VDAC1: variants seen among roughly 807,000 people sequenced by gnomAD.
The protein encoded by VDAC1 is non-selective voltage-gated ion channel VDAC1.
A neutral mutation model predicts 34.7 loss-of-function variants in VDAC1; 10 were observed. That is an observed-to-expected ratio of 0.29 (90% CI 0.18 to 0.49). The LOEUF (loss-of-function observed/expected upper bound fraction) is 0.49. VDAC1 is among the 20% of genes least tolerant of loss of function. VDAC1 has a pLI of 0.99. For missense variants in VDAC1, 230 were observed against 347.9 expected (o/e 0.66, Z 2.69); for synonymous variants, 130 against 136.0 (o/e 0.96, Z 0.30).
At chr5:134,000,041 C>G (rs1312606337) in intron 1 of VDAC1, among the ~76,000 whole-genome samples, 1 of 152,132 alleles carries the variant, frequency 6.6e-6, no homozygotes, top group Non-Finnish European at 1.5e-5. Flanking sequence ...ACTTCCCCAG[C>G]AGAAGGCAAC....
chr5:134,042,213 G>T, the VDAC1 span, among the ~76,000 whole-genome samples: 1 of 152,144 alleles, frequency 6.6e-6, no homozygotes, highest in Admixed American at 6.5e-5. Flanking sequence ...TGGGCTCAGG[G>T]TCATGGCCAC....
chr5:133,995,239 C>T (rs1753253350), intron 1 of VDAC1, among the ~76,000 whole-genome samples: 1 of 152,204 alleles, frequency 6.6e-6, no homozygotes, highest in Non-Finnish European at 1.5e-5. Context: ...AGCTCCGACA[C>T]GGCCAAGCTC....
chr5:134,069,876 G>A, the VDAC1 span, among the ~76,000 whole-genome samples: 1 of 152,114 alleles, frequency 6.6e-6, no homozygotes, highest in Non-Finnish European at 1.5e-5. Flanking sequence ...AAAACAGATT[G>A]CAGCAAAGAA....
chr5:133,995,434 T>G (rs1753261836), intron 1 of VDAC1, among the ~76,000 whole-genome samples: 1 of 151,968 alleles, frequency 6.6e-6, no homozygotes, highest in South Asian at 2.1e-4. Flanking sequence ...TGAAGCATAA[T>G]CTCCCCCGTT....
the VDAC1 span, among the ~76,000 whole-genome samples, chr5:134,052,248 T>G: frequency 1.2e-4 from 18 of 152,156 alleles, no homozygotes; most frequent in Admixed American, 1.0e-3. Flanking sequence ...CCCACAACTC[T>G]CCACTCTTCA....
chr5:134,110,331 G>A, the VDAC1 span, among the ~76,000 whole-genome samples: 1 of 152,200 alleles, frequency 6.6e-6, no homozygotes, highest in African/African-American at 2.4e-5. Flanking sequence ...CCACAGAAGA[G>A]TCCTTCCTTC....
the VDAC1 span, among the ~76,000 whole-genome samples, chr5:134,035,616 G>C: frequency 2.6e-5 from 4 of 152,172 alleles, no homozygotes; most frequent in Admixed American, 1.3e-4. Context: ...AGTCCATACT[G>C]ATGGAAATAA....
At chr5:134,029,022 T>C in the VDAC1 span, among the ~76,000 whole-genome samples, 2 of 152,120 alleles carry the variant, frequency 1.3e-5, no homozygotes, top group Non-Finnish European at 2.9e-5. Flanking sequence ...TGAGCCCTCC[T>C]AGCAGCAGTA....
At chr5:134,058,716 G>A in the VDAC1 span, among the ~76,000 whole-genome samples, 3 of 152,140 alleles carry the variant, frequency 2.0e-5, no homozygotes, top group African/African-American at 7.2e-5. Context: ...GCCAGATAGG[G>A]AACAGAGCAA....
rs760777452 is a variant in VDAC1, at chr5:133,992,316, T to C, written c.107A>G (p.Glu36Gly). ...GGTTGGACAACTTACCAATCCATTC[T>C]CAGATTTTGTTTTCAAATCAAGCTT... The part of the protein sequence containing the change: ...LIKLDLKTKS[E>G]NGLEFTSSGS... Residue 36 changes from glutamate (E) to glycine (G), a missense_variant, in exon 3 of 9, where the codon GAG (glutamate) becomes GGG (glycine). Coordinates refer to ENST00000265333, the MANE Select transcript of VDAC1 (RefSeq NM_003374.3). 9 of 1,582,408 alleles carry C rather than the reference T, an allele frequency of 5.7e-6. No individual in the cohort carries two copies. The highest frequency in any genetic ancestry group is 6.9e-6 in the Non-Finnish European group (8 of 1,165,890).
chr5:134,024,545 A>T, the VDAC1 span, among the ~76,000 whole-genome samples: 1 of 151,946 alleles, frequency 6.6e-6, no homozygotes, highest in African/African-American at 2.4e-5. Context: ...AAAAAGAAAA[A>T]AAAAAAAACC....
At chr5:134,014,596 G>A in the VDAC1 span, among the ~76,000 whole-genome samples, 12 of 152,174 alleles carry the variant, frequency 7.9e-5, no homozygotes, top group African/African-American at 2.6e-4. Flanking sequence ...GGCTGAGTGC[G>A]GTGGCTCACA....
chr5:133,989,239 A>G (rs1753011912), intron 5 of VDAC1: 1 of 151,330 alleles, frequency 6.6e-6, no homozygotes, highest in African/African-American at 2.4e-5. Context: ...CCCTCTAATA[A>G]ATATCTGTTG....
chr5:133,986,616 G>T (rs1752916227), intron 5 of VDAC1, among the ~76,000 whole-genome samples: 1 of 152,058 alleles, frequency 6.6e-6, no homozygotes, highest in Admixed American at 6.6e-5. Context: ...TCAAACACCT[G>T]ACCTCGTGAT....
chr5:134,099,992 C>G, the VDAC1 span, among the ~76,000 whole-genome samples: 1 of 152,252 alleles, frequency 6.6e-6, no homozygotes, highest in Non-Finnish European at 1.5e-5. Context: ...CAGCCTGGCC[C>G]CTTGGTTGGT....
rs779731937 is a variant in VDAC1 at position 133,990,992 on chromosome 5, C to T, written c.270+10G>A. 39 of 1,613,272 alleles carry T rather than the reference C, an allele frequency of 2.4e-5. No individual in the cohort carries two copies. Among genetic ancestry groups the T allele is most frequent in the Non-Finnish European group, 3.3e-5 (39 of 1,179,586 alleles). ...TTAATAAATCCACATCTTTTCACAG[C>T]AGCCATTACCTGATCTTCCACAGTA... is the stretch of plus-strand genomic sequence containing the variant. On this transcript the variant is annotated intron_variant, in intron 4 of 8. Coordinates refer to ENST00000265333, the MANE Select transcript of VDAC1 (RefSeq NM_003374.3).
At chr5:134,018,985 G>A in the VDAC1 span, among the ~76,000 whole-genome samples, 1 of 152,134 alleles carries the variant, frequency 6.6e-6, no homozygotes, top group Non-Finnish European at 1.5e-5. Flanking sequence ...GACAATGGAA[G>A]CTCTGTGTTT....
chr5:134,067,046 TC>T, the VDAC1 span, among the ~76,000 whole-genome samples: 3 of 151,896 alleles, frequency 2.0e-5, no homozygotes, highest in Non-Finnish European at 4.4e-5. Context: ...TTTTTCCCCC[TC>T]TTTTCCTGCT....
At chr5:134,073,678 T>A in the VDAC1 span, among the ~76,000 whole-genome samples, 1 of 152,208 alleles carries the variant, frequency 6.6e-6, no homozygotes, top group Non-Finnish European at 1.5e-5. Context: ...ACCCATGGAA[T>A]ACACACTGGA....
Sources: allele counts gnomAD v4.1 joint callset (sites outside exome capture counted in the v4.1 genomes callset), GRCh38; gene constraint gnomAD v4.1.1; transcripts MANE v1.5; gene names NCBI Gene and HGNC (gene_info 2026-07-23, HGNC 2026-07-21).